CHD9: variants seen among roughly 807,000 people sequenced by gnomAD.
CHD9 encodes chromodomain helicase DNA binding protein 9, also known as ATP-dependent chromatin remodeler CHD9.
Under a neutral mutation model 316.1 loss-of-function variants are expected in CHD9, and 77 were observed. The ratio of observed to expected loss-of-function variants is 0.24; its 90% confidence interval spans 0.20 to 0.29. The LOEUF is 0.29. Ranked by LOEUF, CHD9 falls within the 10% of genes least tolerant of loss-of-function variation. The pLI is 1.00. For synonymous variants in CHD9, 1,129 were observed against 1,158.3 expected, an observed-to-expected ratio of 0.97 and a Z score of 0.51; for missense variants, 2,763 against 3,438.1, an observed-to-expected ratio of 0.80 and a Z score of 4.91.
chr16:53,297,486 T>C (rs1013796312), intron 30 of CHD9, among the ~76,000 whole-genome samples: 1 of 152,220 alleles, frequency 6.6e-6, no homozygotes, highest in Non-Finnish European at 1.5e-5. Flanking sequence ...GTCCATCTTA[T>C]AGGAATTGTG....
At chr16:53,228,041 G>C (rs545558753) in intron 7 of CHD9, among the ~76,000 whole-genome samples, 4 of 151,490 alleles carry the variant, frequency 2.6e-5, no homozygotes, top group African/African-American at 9.7e-5. Flanking sequence ...AGCCGAGATC[G>C]TGCCACCATA....
chr16:53,142,111 T>C (rs2040164370), intron 1 of CHD9, among the ~76,000 whole-genome samples: 1 of 152,226 alleles, frequency 6.6e-6, no homozygotes, highest in African/African-American at 2.4e-5. Flanking sequence ...ACATTTTTAA[T>C]TTTTTAAATG....
At chr16:53,065,199 C>A (rs2033379641) in intron 1 of CHD9, among the ~76,000 whole-genome samples, 1 of 152,094 alleles carries the variant, frequency 6.6e-6, no homozygotes, top group Non-Finnish European at 1.5e-5. Context: ...GATATTTGTA[C>A]CCTCTGAGGG....
chr16:53,225,449 A>G (rs1650492543), intron 4 of CHD9, among the ~76,000 whole-genome samples: 1 of 152,184 alleles, frequency 6.6e-6, no homozygotes, highest in African/African-American at 2.4e-5. Flanking sequence ...TTTTATCTTT[A>G]TTGTAAACAC....
chr16:53,072,413 T>G (rs2034158335), intron 1 of CHD9, among the ~76,000 whole-genome samples: 2 of 150,904 alleles, frequency 1.3e-5, no homozygotes, highest in African/African-American at 4.9e-5. Context: ...TTTTTTTTTT[T>G]TTTTGAGGCA....
intron 1 of CHD9, among the ~76,000 whole-genome samples, chr16:53,086,611 G>GA (rs1596930817): frequency 6.6e-6 from 1 of 152,108 alleles, no homozygotes; most frequent in African/African-American, 2.4e-5. Context: ...TTAAAATGAG[G>GA]AAAAAAATCA....
At chr16:53,174,493 A>G (rs1429768399) in intron 2 of CHD9, among the ~76,000 whole-genome samples, 1 of 152,026 alleles carries the variant, frequency 6.6e-6, no homozygotes, top group Non-Finnish European at 1.5e-5. Flanking sequence ...GTGGCTTTGC[A>G]TGTATTCTTT....
At position 53,286,233 on chromosome 16, in the gene CHD9, A is replaced by G. The variant is rs2053862641; in HGVS notation, c.5079A>G (p.Glu1693=). 1 of 1,599,556 alleles carries G rather than the reference A, an allele frequency of 6.3e-7. No homozygotes were observed. Among genetic ancestry groups the G allele is most frequent in the South Asian group, 1.1e-5 (1 of 90,464 alleles). ...AATTGGTGATGTTTTCAGGATATGA[A>G]AAATATAACACTATTCGAGCAGACC... ...LLIGVFKHGY[E]KYNTIRADPA... is the part of the protein sequence containing the mutation. The change falls in exon 26 of 39, where the codon GAA becomes GAG. Residue 1693 remains glutamate (E), a synonymous_variant. Transcript: ENST00000447540.
At chr16:53,114,673 C>T (rs540178596) in intron 1 of CHD9, among the ~76,000 whole-genome samples, 14 of 152,152 alleles carry the variant, frequency 9.2e-5, no homozygotes, top group East Asian at 1.9e-4. Context: ...CTGCAAGCTC[C>T]GCCTCGCGGG....
chr16:53,304,297 A>G lies in CHD9; in HGVS notation c.6291A>G (p.Lys2097=). 6.2e-7 allele frequency: 1 copy of G among 1,611,940 alleles called. No homozygotes were observed. The change falls in exon 31 of 39, where the codon AAA becomes AAG. Residue 2097 remains lysine, a synonymous_variant. Transcript: ENST00000447540. ...CTGGAGACCAGAAATCTGGTGGAAAATGTGAAACAGACAGACGCATGGTTG... is the reference window on the plus strand; with the variant it reads ...CTGGAGACCAGAAATCTGGTGGAAAGTGTGAAACAGACAGACGCATGGTTG... ...QATGDQKSGG[K]CETDRRMVAA...
chr16:53,094,144 G>A (rs12599832), intron 1 of CHD9, among the ~76,000 whole-genome samples: 48,944 of 152,102 alleles, frequency 0.32, 8,783 homozygotes, highest in African/African-American at 0.48. Flanking sequence ...TGGGTTCCCC[G>A]CAGAGCAGGA....
At position 53,106,657 on chromosome 16, in the gene CHD9, T is replaced by TACACAC. The variant is rs10538483; in HGVS notation, c.-164-49251_-164-49246dup. Among the ~76,000 whole-genome samples the TACACAC allele has an allele frequency of 5.3e-3, 805 of 150,702 alleles. 6 individuals carry two copies. Among genetic ancestry groups the TACACAC allele is most frequent in the African/African-American group, 0.019 (767 of 41,118 alleles). The stretch of plus-strand genomic sequence containing the variant: ...TGCAACTGCCTCAGACACACATACA[T>TACACAC]ACACACACACACACACACACACAGC... On this transcript the variant is annotated intron_variant, in intron 1 of 38. Transcript: ENST00000447540.
At chr16:53,235,653 A>G (rs2048559356) in intron 11 of CHD9, among the ~76,000 whole-genome samples, 1 of 152,182 alleles carries the variant, frequency 6.6e-6, no homozygotes, top group Admixed American at 6.6e-5. Flanking sequence ...GTGAGTTATG[A>G]GCAAGGTATA....
intron 4 of CHD9, 71 bp downstream of exon 4, chr16:53,222,826 A>C: frequency 1.4e-6 from 1 of 711,870 alleles, no homozygotes; most frequent in African/African-American, 1.8e-5. Context: ...ATTGCCTTAT[A>C]GATATTTACA....
intron 1 of CHD9, among the ~76,000 whole-genome samples, chr16:53,057,517 G>A (rs1330407272): frequency 7.9e-5 from 12 of 152,152 alleles, no homozygotes; most frequent in Admixed American, 5.9e-4. Context: ...AGCTGGGCGT[G>A]GTGGCAAGAG....
At chr16:53,250,090 A>C (rs1429727620) in intron 17 of CHD9, 24 bp downstream of exon 17, 11 of 1,553,570 alleles carry the variant, frequency 7.1e-6, no homozygotes, top group Non-Finnish European at 1.7e-6. Context: ...TTGGCTAACA[A>C]AAAATGCATT....
chr16:53,190,306 T>C (rs1156343292), intron 2 of CHD9, among the ~76,000 whole-genome samples: 1 of 152,122 alleles, frequency 6.6e-6, no homozygotes, highest in Non-Finnish European at 1.5e-5. Flanking sequence ...GTTGTTTTTG[T>C]CTACACTGAG....
At chr16:53,203,758 T>C (rs1430536482) in intron 2 of CHD9, among the ~76,000 whole-genome samples, 1 of 151,918 alleles carries the variant, frequency 6.6e-6, no homozygotes, top group African/African-American at 2.4e-5. Flanking sequence ...GCGTGGTGGC[T>C]CACGCTTGTA....
Position 53,192,144 on chromosome 16 carries a change from C to T in CHD9, c.1453-17338C>T, listed in dbSNP as rs145524119. ...AGAGGTATATGTGCCTGCACACATG[C>T]GTGTGTTTATTATGTTGTGTTTGGA... On this transcript the variant is annotated intron_variant, in intron 2 of 38. Coordinates refer to ENST00000447540, the MANE Select transcript of CHD9 (RefSeq NM_001308319.2). Among the ~76,000 whole-genome samples, 285 of 150,844 alleles carry T rather than the reference C, an allele frequency of 1.9e-3. 1 individual carries two copies. The highest frequency in any genetic ancestry group is 7.1e-3 in the Middle Eastern group (2 of 282).
Sources: allele counts gnomAD v4.1 joint callset (sites outside exome capture counted in the v4.1 genomes callset), GRCh38; gene constraint gnomAD v4.1.1; transcripts MANE v1.5; gene names NCBI Gene and HGNC (gene_info 2026-07-23, HGNC 2026-07-21).